The following CD200R1 variants were observed in gnomAD, a reference collection of about 807,000 sequenced individuals.
CD200R1 encodes cell surface glycoprotein CD200 receptor 1.
A neutral mutation model predicts 38.1 loss-of-function variants in CD200R1; 30 were observed. The ratio of observed to expected loss-of-function variants is 0.79; its 90% CI spans 0.59 to 1.07. The LOEUF (loss-of-function observed/expected upper bound fraction) is 1.07. CD200R1 is among the 50% of genes least tolerant of loss of function. CD200R1 has a pLI of 0.00. For missense variants in CD200R1, 372 were observed against 415.4 expected (o/e 0.90, Z 0.91); for synonymous variants, 128 against 152.1 (o/e 0.84, Z 1.16).
chr3:112,955,172 A>T (rs1300091710), intron 1 of CD200R1, among the ~76,000 whole-genome samples: 1 of 152,166 alleles, frequency 6.6e-6, no homozygotes, highest in African/African-American at 2.4e-5. Flanking sequence ...TATCCTAGAG[A>T]ATGTTTCATG....
chr3:112,947,791 A>G (rs1157348953), intron 2 of CD200R1, 65 bp downstream of exon 2: 1 of 1,021,428 alleles, frequency 9.8e-7, no homozygotes, highest in African/African-American at 1.6e-5. Context: ...AGATCCAAAA[A>G]TGTAAAACCT....
At position 112,928,907 on chromosome 3, in the gene CD200R1, T is replaced by C; in HGVS notation, c.678A>G (p.Thr226=). 6 of 1,613,966 alleles carry C rather than the reference T, an allele frequency of 3.7e-6. No individual in the cohort carries two copies. The highest frequency in any genetic ancestry group is 1.1e-5 in the South Asian group (1 of 91,076). The part of the protein sequence containing the change: ...WSNGTVTVKS[T]CHWEVHNVST... ...ACACATTGTGGACCTCCCAGTGGCA[T>C]GTACTCTTAACAGTCACTGTGCCAT... Residue 226 remains threonine, a synonymous_variant, in exon 5 of 8, where the codon ACA becomes ACG. Transcript: ENST00000308611.
intron 1 of CD200R1, among the ~76,000 whole-genome samples, chr3:112,974,161 T>C (rs1576159575): frequency 6.6e-6 from 1 of 151,518 alleles, no homozygotes; most frequent in Middle Eastern, 3.4e-3. Context: ...AGAGGCTGGG[T>C]GCAGTGGCTC....
chr3:112,969,531 AACAG>A lies in CD200R1; in HGVS notation c.67+5256_67+5259del, dbSNP rs762601929. Among the ~76,000 whole-genome samples the A allele has an allele frequency of 8.5e-5, 13 of 152,352 alleles. No homozygotes were observed. The South Asian group carries it at 1.4e-3, about 17-fold the overall frequency. ...TGTTCCTGCCACTAGGATCACTGTC[AACAG>A]ACAGTCTTCAGTTTTCAGCCTCTCC... On this transcript the variant is annotated intron_variant, in intron 1 of 7. Transcript: ENST00000308611.
intron 5 of CD200R1, among the ~76,000 whole-genome samples, chr3:112,927,721 T>G (rs1458987219): frequency 6.6e-6 from 1 of 151,708 alleles, no homozygotes; most frequent in Non-Finnish European, 1.5e-5. Context: ...ATACCAAAAC[T>G]CAAGAAGGAA....
Position 112,938,617 on chromosome 3 carries a change from C to T in CD200R1, c.137-7446G>A, listed in dbSNP as rs185908366. Among the ~76,000 whole-genome samples, 761 of 152,094 alleles carry T rather than the reference C, an allele frequency of 5.0e-3. 4 individuals carry two copies. The highest frequency in any genetic ancestry group is 9.6e-3 in the Admixed American group (147 of 15,260). The stretch of plus-strand genomic sequence containing the variant: ...TGAGATTGAATTAGTAATGAAAAGT[C>T]TCCCAACAAAGAAAAGTCCAGGAAC... On this transcript the variant is annotated intron_variant, in intron 2 of 7. Transcript: ENST00000308611.
At chr3:112,964,458 G>A (rs575405968) in intron 1 of CD200R1, among the ~76,000 whole-genome samples, 9 of 152,210 alleles carry the variant, frequency 5.9e-5, no homozygotes, top group Non-Finnish European at 1.3e-4. Flanking sequence ...ACCTGGATGT[G>A]AGACATGGAA....
At chr3:112,935,942 C>T (rs192679066) in intron 2 of CD200R1, among the ~76,000 whole-genome samples, 65 of 152,208 alleles carry the variant, frequency 4.3e-4, no homozygotes, top group Middle Eastern at 3.4e-3. Context: ...TGATGCTCTC[C>T]CTCCTCCCAC....
chr3:112,925,373 T>G (rs1940258644), intron 5 of CD200R1, among the ~76,000 whole-genome samples, 180 bp from the exon 6 acceptor site: 1 of 152,132 alleles, frequency 6.6e-6, no homozygotes, highest in Non-Finnish European at 1.5e-5. Context: ...TGATTCCAAT[T>G]GTAAGACATT....
intron 1 of CD200R1, among the ~76,000 whole-genome samples, chr3:112,949,677 G>C (rs1940934894): frequency 6.6e-6 from 1 of 152,176 alleles, no homozygotes. Flanking sequence ...TGCTAGGATA[G>C]ATACACAACC....
chr3:112,935,472 T>C (rs1230259774), intron 2 of CD200R1, among the ~76,000 whole-genome samples: 1 of 152,194 alleles, frequency 6.6e-6, no homozygotes, highest in Non-Finnish European at 1.5e-5. Flanking sequence ...TTAAACAGCA[T>C]GTTCCTGAAT....
At chr3:112,971,826 C>T (rs1369366757) in intron 1 of CD200R1, among the ~76,000 whole-genome samples, 1 of 152,146 alleles carries the variant, frequency 6.6e-6, no homozygotes, top group Non-Finnish European at 1.5e-5. Flanking sequence ...AAGCACCTTG[C>T]ATTTGCACAT....
chr3:112,928,110 A>G (rs141403472), intron 5 of CD200R1, among the ~76,000 whole-genome samples: 1 of 152,340 alleles, frequency 6.6e-6, no homozygotes, highest in East Asian at 1.9e-4. Context: ...TACAGTAAGA[A>G]ATAGCAGTAT....
At chr3:112,962,173 T>C (rs976396860) in intron 1 of CD200R1, among the ~76,000 whole-genome samples, 2 of 152,216 alleles carry the variant, frequency 1.3e-5, no homozygotes, top group African/African-American at 4.8e-5. Context: ...TTTTGGGTTT[T>C]AATTTTTGGT....
In CD200R1 at chr3:112,921,443, A is replaced by AAG. The variant is rs1211063650; in HGVS notation, c.*2232_*2233dup. The AAG allele has an allele frequency of 6.3e-5, 9 of 143,044 alleles. No individual in the cohort carries two copies. Among genetic ancestry groups the AAG allele is most frequent in the South Asian group, 4.3e-4 (2 of 4,600 alleles). 8.9% of individuals were successfully genotyped at this position (143,044 alleles called of 1,614,324 possible). A position where few individuals can be genotyped will look rare whatever the true frequency, so the allele number is the denominator to read the frequency against. On this transcript the variant is annotated 3_prime_UTR_variant, in exon 8 of 8. Coordinates refer to ENST00000308611, the MANE Select transcript of CD200R1 (RefSeq NM_138806.4). Reference sequence around the variant, plus strand: ...ACTTTCAAATTATTAGAGATATTGAAAGAGAGAGAGACAGAGAAAGAGAGA... The same window carrying AAG: ...ACTTTCAAATTATTAGAGATATTGAAAGAGAGAGAGAGACAGAGAAAGAGAGA...
chr3:112,950,628 G>T (rs753355031), intron 1 of CD200R1, among the ~76,000 whole-genome samples: 39 of 151,904 alleles, frequency 2.6e-4, no homozygotes, highest in Non-Finnish European at 8.8e-5. Context: ...TACATTCTTT[G>T]CAAGTGCACA....
intron 1 of CD200R1, among the ~76,000 whole-genome samples, chr3:112,957,818 A>G (rs1013998506): frequency 6.6e-6 from 1 of 152,214 alleles, no homozygotes; most frequent in African/African-American, 2.4e-5. Context: ...AAATCTGGGC[A>G]AATGATTTGA....
chr3:112,923,637 T>C lies in CD200R1; in HGVS notation c.*40A>G. 2.1e-6 allele frequency: 2 copies of C among 962,174 alleles called. No individual in the cohort carries two copies. Among genetic ancestry groups the C allele is most frequent in the Non-Finnish European group, 3.3e-6 (2 of 610,242 alleles). 59.6% of individuals were successfully genotyped at this position (962,174 alleles called of 1,614,324 possible). On this transcript the variant is annotated 3_prime_UTR_variant, in exon 8 of 8. Coordinates refer to ENST00000308611, the MANE Select transcript of CD200R1 (RefSeq NM_138806.4). ...AAAATCAGACAGTAATTATAATGTA[T>C]CTCGTTTGTTGTTGTTTCTTGGTAC...
chr3:112,955,843 A>G (rs1035067766), intron 1 of CD200R1, among the ~76,000 whole-genome samples: 3 of 148,116 alleles, frequency 2.0e-5, no homozygotes, highest in African/African-American at 7.5e-5. Context: ...TTTCTGGCCC[A>G]TAAGGTTTCG....
Sources: allele counts gnomAD v4.1 joint callset (sites outside exome capture counted in the v4.1 genomes callset), GRCh38; gene constraint gnomAD v4.1.1; transcripts MANE v1.5; gene names NCBI Gene and HGNC (gene_info 2026-07-23, HGNC 2026-07-21).